Variants in EXTL3 observed in about 807,000 individuals in gnomAD.
EXTL3 encodes exostosin-like 3.
Under a neutral mutation model 69.3 loss-of-function variants are expected in EXTL3, and 27 were observed. The observed-to-expected ratio is 0.39, with a 90% CI of 0.29 to 0.54. EXTL3 has a LOEUF of 0.54. Among genes scored for constraint, EXTL3 ranks in the 20% least tolerant of loss-of-function variants. The pLI is 0.69. For synonymous variants in EXTL3, 511 were observed against 499.4 expected (o/e 1.02, Z -0.31); for missense variants, 1,003 against 1,231.8 (o/e 0.81, Z 2.78).
upstream of EXTL3, chr8:28,700,278 AAG>A (rs1218451508): frequency 1.3e-5 from 2 of 152,326 alleles, no homozygotes; most frequent in African/African-American, 4.8e-5. Flanking sequence ...GAGCAAGAGA[AAG>A]AGGATAGGAA....
In EXTL3 at chr8:28,721,086, T is replaced by C. The variant is rs1801283617; in HGVS notation, c.2148+2879T>C. Among the ~76,000 whole-genome samples, 3 of 152,370 alleles carry C rather than the reference T, an allele frequency of 2.0e-5. No homozygotes were observed. The South Asian group carries it at 6.2e-4, about 32-fold the overall frequency. ...CTGGCTACTTTTGAAATTTTTTCTT[T>C]GTATTTGGTTTTCAGCAGTTTGACT... On this transcript the variant is annotated intron_variant, in intron 3 of 6. Coordinates refer to ENST00000220562, the MANE Select transcript of EXTL3 (RefSeq NM_001440.4).
At chr8:28,661,817 A>AGAGGTTGCAGTGAGCC (rs1440036862) in intron 1 of EXTL3, among the ~76,000 whole-genome samples, 4 of 151,848 alleles carry the variant, frequency 2.6e-5, no homozygotes, top group Non-Finnish European at 4.4e-5. Flanking sequence ...CCCGGGAGGC[A>AGAGGTTGCAGTGAGCC]GAGGTTGCAG....
At chr8:28,723,392 T>C (rs1031917865) in intron 3 of EXTL3, among the ~76,000 whole-genome samples, 2 of 152,192 alleles carry the variant, frequency 1.3e-5, no homozygotes, top group Admixed American at 6.5e-5. Flanking sequence ...AGGAAAATTA[T>C]ATAAAACAAG....
intron 5 of EXTL3, chr8:28,741,913 A>G (rs575960964): frequency 4.6e-5 from 7 of 152,376 alleles, no homozygotes; most frequent in East Asian, 1.9e-4. Flanking sequence ...AGGTAATGCA[A>G]TATGTTCATC....
intron 1 of EXTL3, among the ~76,000 whole-genome samples, chr8:28,663,927 TAGAC>T (rs1172260087): frequency 2.0e-5 from 3 of 152,192 alleles, no homozygotes; most frequent in African/African-American, 7.2e-5. Flanking sequence ...GCTGCTCAGT[TAGAC>T]AGGCGTTACG....
At chr8:28,738,878 A>G (rs1801712621) in intron 5 of EXTL3, among the ~76,000 whole-genome samples, 1 of 152,148 alleles carries the variant, frequency 6.6e-6, no homozygotes, top group Non-Finnish European at 1.5e-5. Context: ...ACAGTCACCA[A>G]AGACGGTGGC....
chr8:28,636,317 C>G (rs1323312672), intron 1 of EXTL3, among the ~76,000 whole-genome samples: 1 of 140,292 alleles, frequency 7.1e-6, no homozygotes, highest in Non-Finnish European at 1.5e-5. Context: ...GGGTGACAGA[C>G]CAAGACTCCA....
intron 1 of EXTL3, among the ~76,000 whole-genome samples, chr8:28,671,428 C>T (rs767695269): frequency 1.5e-4 from 22 of 151,596 alleles, no homozygotes; most frequent in Admixed American, 6.6e-5. Flanking sequence ...CAACCTCTGC[C>T]TCCTGAGTTC....
At chr8:28,607,979 G>A (rs1162253043) in intron 2 of EXTL3, among the ~76,000 whole-genome samples, 3 of 151,760 alleles carry the variant, frequency 2.0e-5, no homozygotes, top group Admixed American at 6.6e-5. Flanking sequence ...GCGTGGTGGT[G>A]GGCGCCTGTA....
intron 3 of EXTL3, among the ~76,000 whole-genome samples, chr8:28,723,980 CTT>C (rs375453638): frequency 5.5e-5 from 8 of 145,958 alleles, no homozygotes; most frequent in Admixed American, 2.7e-4. Flanking sequence ...TATTTTTTTT[CTT>C]TTTTTTTTTC....
At chr8:28,671,826 A>G (rs888709147) in intron 1 of EXTL3, among the ~76,000 whole-genome samples, 1 of 152,152 alleles carries the variant, frequency 6.6e-6, no homozygotes, top group African/African-American at 2.4e-5. Context: ...TGATTTCTTT[A>G]TCGTACGGTG....
At chr8:28,615,150 AT>A (rs1806316718) in intron 2 of EXTL3, among the ~76,000 whole-genome samples, 1 of 152,154 alleles carries the variant, frequency 6.6e-6, no homozygotes, top group South Asian at 2.1e-4. Context: ...GTTTCTTAAG[AT>A]GTATTTTATT....
At chr8:28,685,117 A>G (rs773305458) in intron 1 of EXTL3, among the ~76,000 whole-genome samples, 4 of 151,572 alleles carry the variant, frequency 2.6e-5, no homozygotes, top group Non-Finnish European at 5.9e-5. Flanking sequence ...ACGCCTAGCT[A>G]ATTTTTATAT....
intron 3 of EXTL3, among the ~76,000 whole-genome samples, chr8:28,730,692 G>T (rs1419403742): frequency 6.6e-6 from 1 of 152,120 alleles, no homozygotes; most frequent in Non-Finnish European, 1.5e-5. Context: ...GTTTGTGTAC[G>T]AGTAGTCAGC....
chr8:28,661,130 G>C (rs1453239069), intron 1 of EXTL3, among the ~76,000 whole-genome samples: 1 of 151,606 alleles, frequency 6.6e-6, no homozygotes, highest in Non-Finnish European at 1.5e-5. Flanking sequence ...AGCCAGGATG[G>C]TCTCGATCTC....
chr8:28,677,100 A>T (rs1417433623), intron 1 of EXTL3, among the ~76,000 whole-genome samples: 1 of 152,122 alleles, frequency 6.6e-6, no homozygotes, highest in Non-Finnish European at 1.5e-5. Flanking sequence ...GGCAGTAGAG[A>T]CAGGGAGAAG....
At chr8:28,708,752 A>G (rs1398122575) in intron 1 of EXTL3, among the ~76,000 whole-genome samples, 3 of 152,110 alleles carry the variant, frequency 2.0e-5, no homozygotes, top group Non-Finnish European at 2.9e-5. Flanking sequence ...TAGAACCCGC[A>G]CCTGGGTTGT....
Position 28,684,758 on chromosome 8 carries a change from A to T in EXTL3, c.-52-28699A>T, listed in dbSNP as rs192123324. Among the ~76,000 whole-genome samples the T allele has an allele frequency of 7.0e-4, 106 of 152,256 alleles. 1 individual carries two copies. The East Asian group carries it at 0.011, about 16-fold the overall frequency. On this transcript the variant is annotated intron_variant, in intron 1 of 6. Transcript: ENST00000523149. ...CCCTGCCTCAGAAAAAATATTTTTT[A>T]AAAAAGTTAATTTTGAAAACATTTC...
intron 1 of EXTL3, among the ~76,000 whole-genome samples, chr8:28,709,474 T>G (rs753400606): frequency 1.6e-4 from 24 of 152,140 alleles, no homozygotes; most frequent in Non-Finnish European, 3.4e-4. Flanking sequence ...GATGGAGCAG[T>G]GACTCCCTTC....
Sources: allele counts gnomAD v4.1 joint callset (sites outside exome capture counted in the v4.1 genomes callset), GRCh38; gene constraint gnomAD v4.1.1; transcripts MANE v1.5; gene names NCBI Gene and HGNC (gene_info 2026-07-23, HGNC 2026-07-21).